SORBS2: variants seen among roughly 807,000 people sequenced by gnomAD.
SORBS2 encodes sorbin and SH3 domain-containing protein 2.
SORBS2 carries 46 observed loss-of-function variants against 97.7 expected under a neutral mutation model. The ratio of observed to expected loss-of-function variants is 0.47; its 90% confidence interval spans 0.37 to 0.60. The LOEUF (loss-of-function observed/expected upper bound fraction) is 0.60. Among genes scored for constraint, SORBS2 ranks in the 20% least tolerant of loss-of-function variants. The pLI, the probability that SORBS2 is intolerant of heterozygous loss-of-function variation, is 0.00. For synonymous variants in SORBS2, 476 were observed against 473.4 expected (o/e 1.01, Z -0.07); for missense variants, 1,316 against 1,282.3 (o/e 1.03, Z -0.40).
chr4:185,873,908 TAATTA>T (rs1291107173), intron 1 of SORBS2, among the ~76,000 whole-genome samples: 3 of 152,304 alleles, frequency 2.0e-5, no homozygotes, highest in East Asian at 3.9e-4. Flanking sequence ...CCCCTTATTT[TAATTA>T]AATAAAATAT....
intron 1 of SORBS2, among the ~76,000 whole-genome samples, chr4:185,837,226 C>G (rs2099208579): frequency 6.6e-6 from 1 of 152,016 alleles, no homozygotes; most frequent in Non-Finnish European, 1.5e-5. Context: ...TTACATCAAA[C>G]AGATCCTATC....
At chr4:185,849,474 A>AT (rs35266876) in intron 1 of SORBS2, among the ~76,000 whole-genome samples, 45,860 of 147,000 alleles carry the variant, frequency 0.31, 7,725 homozygotes, top group African/African-American at 0.44. Context: ...TCTCCCTGCC[A>AT]TTTTTTTTTT....
intron 1 of SORBS2, among the ~76,000 whole-genome samples, chr4:185,806,245 G>A (rs2099152889): frequency 6.6e-6 from 1 of 152,204 alleles, no homozygotes; most frequent in Non-Finnish European, 1.5e-5. Flanking sequence ...CGAGAAGTAA[G>A]TACAGGGACT....
chr4:185,911,554 C>T (rs1356657411), intron 1 of SORBS2, among the ~76,000 whole-genome samples: 2 of 152,110 alleles, frequency 1.3e-5, no homozygotes, highest in Admixed American at 6.6e-5. Flanking sequence ...GCAAGTTTCC[C>T]TCTTGGTGGA....
intron 11 of SORBS2, among the ~76,000 whole-genome samples, chr4:185,612,367 T>C (rs1177450318): frequency 1.3e-5 from 2 of 152,208 alleles, no homozygotes; most frequent in Non-Finnish European, 2.9e-5. Flanking sequence ...GCATTGGCCT[T>C]CTGTAGGAAG....
chr4:185,597,792 C>A (rs937846064), intron 12 of SORBS2, among the ~76,000 whole-genome samples: 4 of 152,128 alleles, frequency 2.6e-5, no homozygotes, highest in African/African-American at 7.2e-5. Flanking sequence ...TAGTGGTGAG[C>A]AATGGCAGCA....
At chr4:185,945,161 C>T (rs1232107142) in intron 1 of SORBS2, among the ~76,000 whole-genome samples, 3 of 152,168 alleles carry the variant, frequency 2.0e-5, no homozygotes, top group African/African-American at 7.2e-5. Flanking sequence ...AGTTACTAAG[C>T]TAAATGCATT....
chr4:185,950,801 C>A (rs919042756), intron 1 of SORBS2, among the ~76,000 whole-genome samples: 3 of 152,224 alleles, frequency 2.0e-5, no homozygotes, highest in Admixed American at 6.5e-5. Flanking sequence ...CGCACTATGG[C>A]CTGCACGGCG....
chr4:185,677,198 C>T, intron 4 of SORBS2: 1 of 1,551,608 alleles, frequency 6.4e-7, no homozygotes, highest in Non-Finnish European at 8.7e-7. Flanking sequence ...GTGAGCGGGG[C>T]CTTTTGAGAA....
chr4:185,872,283 G>C lies in SORBS2; in HGVS notation c.-338+83913C>G, dbSNP rs115903324. ...TGAATGCAGTTAATTTGGGCAACTG[G>C]TGCATGATTTATAGCTTTGAGGATC... is the stretch of plus-strand genomic sequence containing the variant. On this transcript the variant is annotated intron_variant, in intron 1 of 20. Coordinates refer to the SORBS2 transcript ENST00000284776. 3.0e-3 allele frequency among the ~76,000 whole-genome samples: 457 copies of C among 152,278 alleles called. 1 individual carries two copies. The highest frequency in any genetic ancestry group is 5.2e-3 in the Non-Finnish European group (356 of 68,022).
At chr4:185,812,857 A>C (rs1180260235) in intron 1 of SORBS2, 5 of 152,242 alleles carry the variant, frequency 3.3e-5, no homozygotes, top group Non-Finnish European at 7.3e-5. Flanking sequence ...TACGGCAGAA[A>C]ATGATTCTTT....
chr4:185,607,315 T>G lies in SORBS2; in HGVS notation c.2796+4465A>C. On this transcript the variant is annotated intron_variant, in intron 12 of 14. Coordinates refer to ENST00000418609, the Ensembl canonical transcript of SORBS2. This position sits in a 1 kb window ranked among gnomAD's most constrained non-coding sequence, Gnocchi z 5.2. ...TTTATCTGAGCCAGGTGAGACTTTG[T>G]GGGTGGGAGGAGGGGCTGGTTCACT... The G allele has an allele frequency of 2.3e-6, 3 of 1,286,332 alleles. No homozygotes were observed. Among genetic ancestry groups the G allele is most frequent in the African/African-American group, 1.5e-5 (1 of 65,496 alleles). The allele number at this position is 1,286,332 out of a possible 1,614,324, so 79.7% of individuals were successfully genotyped here.
At chr4:185,800,636 G>A (rs913759686) in intron 1 of SORBS2, among the ~76,000 whole-genome samples, 1 of 152,008 alleles carries the variant, frequency 6.6e-6, no homozygotes, top group African/African-American at 2.4e-5. Context: ...GCTGTGCATG[G>A]GCTTAGCTCT....
intron 1 of SORBS2, among the ~76,000 whole-genome samples, chr4:185,951,729 G>A (rs1479888620): frequency 6.6e-6 from 1 of 152,202 alleles, no homozygotes; most frequent in East Asian, 1.9e-4. Flanking sequence ...ATTGTATTGT[G>A]AAGTCAAATT....
intron 2 of SORBS2, chr4:185,773,150 T>C (rs1020138595): frequency 3.9e-5 from 6 of 152,126 alleles, no homozygotes; most frequent in African/African-American, 1.4e-4. Flanking sequence ...TGGTGCCATT[T>C]AATTTTGCCG....
At chr4:185,685,634 C>G (rs948392793) in intron 2 of SORBS2, among the ~76,000 whole-genome samples, 3 of 152,162 alleles carry the variant, frequency 2.0e-5, no homozygotes, top group African/African-American at 7.2e-5. Context: ...TGCGCTCAAG[C>G]AATCCTCCTG....
In SORBS2 at chr4:185,678,785, T is replaced by C; in HGVS notation, c.-171+11A>G. The C allele has an allele frequency of 1.4e-6, 2 of 1,454,302 alleles. No individual in the cohort carries two copies. Among genetic ancestry groups the C allele is most frequent in the Non-Finnish European group, 1.8e-6 (2 of 1,093,580 alleles). The allele number at this position is 1,454,302 out of a possible 1,614,324, so 90.1% of individuals were successfully genotyped here. A position where few individuals can be genotyped will look rare whatever the true frequency, so the allele number is the denominator to read the frequency against. On this transcript the variant is annotated intron_variant, in intron 3 of 20. Coordinates refer to the SORBS2 transcript ENST00000284776. ...ATAATATAATAATTATTCAGAATAT[T>C]TTTTCTGTACCTGAGTCTGGTGACT...
intron 1 of SORBS2, among the ~76,000 whole-genome samples, chr4:185,885,396 T>C (rs2099238894): frequency 6.6e-6 from 1 of 152,206 alleles, no homozygotes; most frequent in Non-Finnish European, 1.5e-5. Context: ...GCCAAGAACA[T>C]AATGAAGGCT....
intron 2 of SORBS2, 74 bp from the exon 11 acceptor site, chr4:185,651,902 C>G (rs1008369911): frequency 2.6e-6 from 2 of 769,488 alleles, no homozygotes; most frequent in Non-Finnish European, 2.3e-6. Context: ...GAACTTCAGA[C>G]AAACAACAGA....
Sources: gnomAD v4.1 joint callset for allele counts (sites outside exome capture counted in the v4.1 genomes callset) on GRCh38, gnomAD v4.1.1 for gene constraint, Gnocchi (gnomAD v3.1) non-coding constraint, MANE v1.5 for transcripts, NCBI Gene and HGNC (gene_info 2026-07-23, HGNC 2026-07-21) for gene names.